Variants in SH3BGRL2 observed in about 807,000 individuals in gnomAD.
The protein encoded by SH3BGRL2 is SH3 domain binding glutamate rich protein like 2.
Under a neutral mutation model 14.8 loss-of-function variants are expected in SH3BGRL2, and 21 were observed. That is an observed-to-expected ratio of 1.42 (90% confidence interval 1.01 to 2.05). The LOEUF is 2.05. Among genes scored for constraint, SH3BGRL2 ranks in the 30% most tolerant of loss-of-function variants. The pLI is 0.00. For synonymous variants in SH3BGRL2, 50 were observed against 47.8 expected (o/e 1.05, Z -0.19); for missense variants, 147 against 130.8 (o/e 1.12, Z -0.61).
Position 79,631,426 on chromosome 6 carries a change from G to A in SH3BGRL2, c.-36G>A. On this transcript the variant is annotated 5_prime_UTR_variant, in exon 1 of 4. Transcript: ENST00000369838. ...CTGCGTCCACGCCAGCCCGGAGCCC[G>A]GGGGGCAAGGGGTCTGTCCCGGGCG... is the stretch of plus-strand genomic sequence containing the variant. The A allele has an allele frequency of 2.0e-6, 3 of 1,501,348 alleles. No individual in the cohort carries two copies. The highest frequency in any genetic ancestry group is 1.8e-6 in the Non-Finnish European group (2 of 1,123,464). The allele number at this position is 1,501,348 out of a possible 1,614,324, so 93.0% of individuals were successfully genotyped here.
chr6:79,606,804 C>T, the SH3BGRL2 span, among the ~76,000 whole-genome samples: 1 of 152,014 alleles, frequency 6.6e-6, no homozygotes, highest in Non-Finnish European at 1.5e-5. Context: ...CTATTACCTA[C>T]CAGTGCATTC....
the SH3BGRL2 span, among the ~76,000 whole-genome samples, chr6:79,609,762 G>T: frequency 1.3e-5 from 2 of 152,112 alleles, no homozygotes; most frequent in Non-Finnish European, 2.9e-5. Flanking sequence ...TCCTGTCTCA[G>T]CCTGGTCACC....
At chr6:79,673,503 A>G in intron 1 of SH3BGRL2, 111 bp from the exon 2 acceptor site, 6 of 1,104,638 alleles carry the variant, frequency 5.4e-6, no homozygotes, top group Non-Finnish European at 7.8e-6. Context: ...TGACACCTAC[A>G]TAAATCACCT....
At chr6:79,596,938 A>T in the SH3BGRL2 span, among the ~76,000 whole-genome samples, 1 of 152,160 alleles carries the variant, frequency 6.6e-6, no homozygotes, top group Non-Finnish European at 1.5e-5. Context: ...GGCATAAAGA[A>T]AAACATATAG....
chr6:79,642,512 A>G (rs1769052528), intron 1 of SH3BGRL2, among the ~76,000 whole-genome samples: 1 of 152,098 alleles, frequency 6.6e-6, no homozygotes, highest in Admixed American at 6.6e-5. Context: ...AGCTGCCTGG[A>G]GAGCCGGGAG....
chr6:79,686,931 G>A (rs146901558), intron 2 of SH3BGRL2, among the ~76,000 whole-genome samples: 2 of 152,256 alleles, frequency 1.3e-5, no homozygotes, highest in African/African-American at 2.4e-5. Flanking sequence ...TCCCTCCAGG[G>A]TGAACTTCCT....
the SH3BGRL2 span, among the ~76,000 whole-genome samples, chr6:79,599,148 T>C: frequency 1.3e-5 from 2 of 151,868 alleles, no homozygotes; most frequent in Admixed American, 6.6e-5. Flanking sequence ...AACAATGTTA[T>C]AGTATTTTAC....
At chr6:79,649,038 G>A (rs112520564) in intron 1 of SH3BGRL2, among the ~76,000 whole-genome samples, 13 of 152,166 alleles carry the variant, frequency 8.5e-5, no homozygotes, top group African/African-American at 3.1e-4. Context: ...TCATGGCAGA[G>A]GGCCACCCTG....
intron 2 of SH3BGRL2, among the ~76,000 whole-genome samples, chr6:79,691,476 G>T: frequency 6.8e-6 from 1 of 147,382 alleles, no homozygotes; most frequent in Admixed American, 6.7e-5. Context: ...TTTAGCATTA[G>T]GTATATCTCC....
At chr6:79,573,382 T>C in the SH3BGRL2 span, among the ~76,000 whole-genome samples, 2 of 152,162 alleles carry the variant, frequency 1.3e-5, no homozygotes, top group South Asian at 2.1e-4. Flanking sequence ...TACCACACTA[T>C]TGTAATTATA....
intron 1 of SH3BGRL2, among the ~76,000 whole-genome samples, chr6:79,660,958 T>A (rs989279096): frequency 1.3e-5 from 2 of 152,232 alleles, no homozygotes; most frequent in African/African-American, 4.8e-5. Context: ...TGATGGTAGT[T>A]TGTATTTCTG....
chr6:79,687,135 A>T (rs1192603452), intron 2 of SH3BGRL2, among the ~76,000 whole-genome samples: 1 of 152,110 alleles, frequency 6.6e-6, no homozygotes. Context: ...CTTCTTTTAT[A>T]CATTGATTGC....
the SH3BGRL2 span, among the ~76,000 whole-genome samples, chr6:79,578,331 C>T: frequency 6.6e-6 from 1 of 152,328 alleles, no homozygotes; most frequent in African/African-American, 2.4e-5. Context: ...TCAAGTGGGT[C>T]CCTGACCACC....
chr6:79,662,785 A>G (rs868477515), intron 1 of SH3BGRL2, among the ~76,000 whole-genome samples: 16 of 152,296 alleles, frequency 1.1e-4, no homozygotes, highest in African/African-American at 3.1e-4. Context: ...AGGTACACCA[A>G]TCAAACGTAG....
chr6:79,687,515 G>A (rs546901048), intron 2 of SH3BGRL2, among the ~76,000 whole-genome samples: 1 of 152,260 alleles, frequency 6.6e-6, no homozygotes, highest in South Asian at 2.1e-4. Flanking sequence ...TTGCCAAAAT[G>A]AAGCTGTTTT....
intron 3 of SH3BGRL2, 66 bp downstream of exon 3, chr6:79,696,631 G>A (rs1378466493): frequency 2.5e-6 from 3 of 1,215,178 alleles, no homozygotes; most frequent in Non-Finnish European, 3.5e-6. Context: ...TAGAGATGTA[G>A]AGTGACGGTG....
chr6:79,549,018 A>G, the SH3BGRL2 span, among the ~76,000 whole-genome samples: 1 of 152,226 alleles, frequency 6.6e-6, no homozygotes, highest in South Asian at 2.1e-4. Flanking sequence ...AGCAATGGCC[A>G]TATAGAGGAA....
intron 1 of SH3BGRL2, among the ~76,000 whole-genome samples, chr6:79,661,585 T>A (rs547522932): frequency 6.6e-6 from 1 of 152,316 alleles, no homozygotes; most frequent in Admixed American, 6.5e-5. Context: ...TGCGATATGG[T>A]GCTGAGAAGA....
chr6:79,547,785 GA>G, the SH3BGRL2 span, among the ~76,000 whole-genome samples: 6 of 150,776 alleles, frequency 4.0e-5, no homozygotes, highest in Admixed American at 2.0e-4. Context: ...GCAGTGATTA[GA>G]AAAAAAAATG....
Sources: gnomAD v4.1 joint callset for allele counts (sites outside exome capture counted in the v4.1 genomes callset) on GRCh38, gnomAD v4.1.1 for gene constraint, MANE v1.5 for transcripts, NCBI Gene and HGNC (gene_info 2026-07-23, HGNC 2026-07-21) for gene names.